EMILIN2: variants seen among roughly 807,000 people sequenced by gnomAD.
EMILIN2 encodes EMILIN-2.
Under a neutral mutation model 87.1 loss-of-function variants are expected in EMILIN2, and 71 were observed. The ratio of observed to expected loss-of-function variants is 0.82; its 90% CI spans 0.67 to 0.99. The LOEUF is 0.99. Ranked by LOEUF, EMILIN2 falls within the 50% of genes least tolerant of loss-of-function variation. The pLI is 0.00. For missense variants in EMILIN2, 1,407 were observed against 1,371.8 expected, an observed-to-expected ratio of 1.03 and a Z score of -0.40; for synonymous variants, 581 against 563.4, an observed-to-expected ratio of 1.03 and a Z score of -0.44.
chr18:2,876,658 C>T (rs1440924458), intron 2 of EMILIN2, among the ~76,000 whole-genome samples: 3 of 148,684 alleles, frequency 2.0e-5, no homozygotes, highest in Admixed American at 6.7e-5. Context: ...CCCAGCTACT[C>T]GGGAGGCTGA....
chr18:2,847,731 C>T lies in EMILIN2; in HGVS notation c.135-78C>T. On this transcript the variant is annotated intron_variant, in intron 1 of 7. Transcript: ENST00000254528. The surrounding 1 kb of genome is among the most constrained non-coding windows in gnomAD (Gnocchi z 4.5). ...CCCCCGACCCTCGCTCGGTCTGGTG[C>T]CGCAGTCCCCTCTCCCCTGGCCTCA... 2 of 1,543,362 alleles carry T rather than the reference C, an allele frequency of 1.3e-6. No homozygotes were observed. The highest frequency in any genetic ancestry group is 1.9e-5 in the Admixed American group (1 of 53,516).
At chr18:2,877,301 C>G (rs1467139363) in intron 2 of EMILIN2, among the ~76,000 whole-genome samples, 1 of 152,194 alleles carries the variant, frequency 6.6e-6, no homozygotes, top group Non-Finnish European at 1.5e-5. Flanking sequence ...TTTGAAATCA[C>G]TTCCTATTTC....
intron 4 of EMILIN2, among the ~76,000 whole-genome samples, chr18:2,895,936 C>T (rs910228532): frequency 1.3e-5 from 2 of 152,152 alleles, no homozygotes; most frequent in Non-Finnish European, 2.9e-5. Context: ...GTAAGCAGAT[C>T]GCCAGACCGG....
At chr18:2,909,667 C>G (rs370634917) in intron 6 of EMILIN2, 24 bp from the exon 7 acceptor site, 35 of 1,612,476 alleles carry the variant, frequency 2.2e-5, no homozygotes, top group Non-Finnish European at 2.6e-5. Flanking sequence ...CGGGTCAATC[C>G]ATTCCATCCT....
chr18:2,913,087 G>GACCC lies in EMILIN2; in HGVS notation c.2846_2847insCCCA (p.Gly950ProfsTer87), dbSNP rs2144082369. 6.2e-7 allele frequency: 1 copy of GACCC among 1,610,940 alleles called. No homozygotes were observed. The highest frequency in any genetic ancestry group is 8.5e-7 in the Non-Finnish European group (1 of 1,179,994). On this transcript the variant is annotated frameshift_variant, in exon 8 of 8. Coordinates refer to ENST00000254528, the MANE Select transcript of EMILIN2 (RefSeq NM_032048.3). LOFTEE classifies it high-confidence loss of function. ...CGCAGGGGTCTTCACGGCTCCTTAT[G>GACCC]ATGGGCGCTACCTGATCACGGCCAC...
At position 2,885,094 on chromosome 18, in the gene EMILIN2, C is replaced by A. The variant is rs376456618; in HGVS notation, c.388C>A (p.Arg130Ser). The A allele has an allele frequency of 6.2e-7, 1 of 1,612,420 alleles. No individual in the cohort carries two copies. The highest frequency in any genetic ancestry group is 8.5e-7 in the Non-Finnish European group (1 of 1,179,466). The change falls in exon 3 of 8, where the codon CGC becomes AGC. Residue 130 changes from arginine (R) to serine (S), a missense_variant. Transcript: ENST00000254528. ...EGPKDPVKTL[R>S]PTPARPRNSL... The stretch of plus-strand genomic sequence containing the variant: ...TCCCAAAGACCCCGTGAAGACCCTC[C>A]GCCCCACGCCGGCTCGGCCTCGAAA...
chr18:2,900,833 C>G (rs533835008), intron 4 of EMILIN2, among the ~76,000 whole-genome samples: 1 of 152,182 alleles, frequency 6.6e-6, no homozygotes, highest in African/African-American at 2.4e-5. Flanking sequence ...ATCCATCCGC[C>G]TAGCATTCTG....
intron 2 of EMILIN2, among the ~76,000 whole-genome samples, chr18:2,858,561 ATATAT>A (rs2076641816): frequency 1.5e-5 from 1 of 67,382 alleles, no homozygotes; most frequent in South Asian, 5.3e-4. Flanking sequence ...ATATATATAT[ATATAT>A]ATATGTGTGT....
chr18:2,851,928 A>G (rs2076603688), intron 2 of EMILIN2, among the ~76,000 whole-genome samples: 1 of 152,192 alleles, frequency 6.6e-6, no homozygotes, highest in South Asian at 2.1e-4. Flanking sequence ...GAGATGAGCC[A>G]TTCCCTAAGT....
At chr18:2,888,723 AAAAAAAAAG>A (rs1303149321) in intron 3 of EMILIN2, among the ~76,000 whole-genome samples, 1 of 151,620 alleles carries the variant, frequency 6.6e-6, no homozygotes, top group Non-Finnish European at 1.5e-5. Context: ...TCAAAAAAAA[AAAAAAAAAG>A]AGAGAGAGAG....
At chr18:2,858,718 C>T (rs982650977) in intron 2 of EMILIN2, among the ~76,000 whole-genome samples, 1 of 150,864 alleles carries the variant, frequency 6.6e-6, no homozygotes, top group African/African-American at 2.5e-5. Flanking sequence ...TCACTGCAAC[C>T]TCTGCCTCCT....
At chr18:2,903,563 A>G (rs951442512) in intron 4 of EMILIN2, among the ~76,000 whole-genome samples, 60 of 152,192 alleles carry the variant, frequency 3.9e-4, no homozygotes, top group African/African-American at 1.3e-3. Context: ...CCCAATTCCC[A>G]ACAGAGTTAT....
At chr18:2,896,666 T>TA (rs58564693) in intron 4 of EMILIN2, among the ~76,000 whole-genome samples, 8 of 150,926 alleles carry the variant, frequency 5.3e-5, no homozygotes, top group East Asian at 1.9e-4. Flanking sequence ...TTTATTTATT[T>TA]TTTTAGAGAT....
In EMILIN2 at chr18:2,847,372, C is replaced by T; in HGVS notation, c.134+50C>T. 1 of 1,269,618 alleles carries T rather than the reference C, an allele frequency of 7.9e-7. No homozygotes were observed. The highest frequency in any genetic ancestry group is 2.3e-5 in the South Asian group (1 of 43,952). 78.6% of individuals were successfully genotyped at this position (1,269,618 alleles called of 1,614,324 possible). A position where few individuals can be genotyped will look rare whatever the true frequency, so the allele number is the denominator to read the frequency against. ...CCCAAACCGCCTACCCCTCCCCGGC[C>T]CCCAGTTGAGCCCCAGAGCTGCCCT... On this transcript the variant is annotated intron_variant, in intron 1 of 7. Transcript: ENST00000254528. This position sits in a 1 kb window ranked among gnomAD's most constrained non-coding sequence, Gnocchi z 4.5.
rs188299705 is a variant in EMILIN2, at chr18:2,888,639, C to T, written c.434-1922C>T. ...CTGAGGCAGGAGAATGGCGTGAACCCAAGAGGCAGAGCTTGCAGTGAGCCG... is the reference window on the plus strand; with the variant it reads ...CTGAGGCAGGAGAATGGCGTGAACCTAAGAGGCAGAGCTTGCAGTGAGCCG... On this transcript the variant is annotated intron_variant, in intron 3 of 7. Coordinates refer to ENST00000254528, the MANE Select transcript of EMILIN2 (RefSeq NM_032048.3). Among the ~76,000 whole-genome samples the T allele has an allele frequency of 8.9e-3, 1,334 of 149,328 alleles. 10 individuals carry two copies. Among genetic ancestry groups the T allele is most frequent in the African/African-American group, 0.027 (1,072 of 40,320 alleles).
rs1311933740 is a variant in EMILIN2 at position 2,915,287 on chromosome 18, C to A, written c.*1883C>A. On this transcript the variant is annotated 3_prime_UTR_variant, in exon 8 of 8. Transcript: ENST00000254528. ...AGAATATGCCTCATTATGGCTGGAGCGTGCCTCTACTTTGAGATAAAGCTG... is the reference window on the plus strand; with the variant it reads ...AGAATATGCCTCATTATGGCTGGAGAGTGCCTCTACTTTGAGATAAAGCTG... 1 of 152,238 alleles carries A rather than the reference C, an allele frequency of 6.6e-6. No homozygotes were observed. Among genetic ancestry groups the A allele is most frequent in the Non-Finnish European group, 1.5e-5 (1 of 68,076 alleles). 9.4% of individuals were successfully genotyped at this position (152,238 alleles called of 1,614,324 possible).
chr18:2,896,477 GAT>G (rs537840991), intron 4 of EMILIN2, among the ~76,000 whole-genome samples: 9 of 151,712 alleles, frequency 5.9e-5, no homozygotes, highest in African/African-American at 2.2e-4. Context: ...CACCCGGTCA[GAT>G]ATATATATAT....
intron 2 of EMILIN2, among the ~76,000 whole-genome samples, chr18:2,868,769 A>T (rs1277862385): frequency 3.5e-4 from 53 of 152,224 alleles, no homozygotes; most frequent in African/African-American, 9.4e-4. Flanking sequence ...TCGGCTCGGC[A>T]TCAGACGGAG....
At chr18:2,873,046 A>AT (rs199978156) in intron 2 of EMILIN2, among the ~76,000 whole-genome samples, 125 of 140,016 alleles carry the variant, frequency 8.9e-4, no homozygotes, top group African/African-American at 3.4e-3. Context: ...AGATTATGTG[A>AT]TTTAAAAAAA....
Sources: allele counts gnomAD v4.1 joint callset (sites outside exome capture counted in the v4.1 genomes callset), GRCh38; gene constraint gnomAD v4.1.1; non-coding constraint Gnocchi (gnomAD v3.1); transcripts MANE v1.5; gene names NCBI Gene and HGNC (gene_info 2026-07-23, HGNC 2026-07-21).